The following CDH12 variants were observed in gnomAD, a reference collection of about 807,000 sequenced individuals.
CDH12 encodes the protein cadherin-12.
CDH12 carries 41 observed loss-of-function variants against 74.1 expected under a neutral mutation model. The ratio of observed to expected loss-of-function variants is 0.55; its 90% confidence interval spans 0.43 to 0.72. CDH12 has a LOEUF of 0.72. Ranked by LOEUF, CDH12 falls within the 30% of genes least tolerant of loss-of-function variation. CDH12 has a pLI of 0.00. For missense variants in CDH12, 945 were observed against 977.2 expected (o/e 0.97, Z 0.44); for synonymous variants, 399 against 355.0 (o/e 1.12, Z -1.39).
At chr5:22,673,523 A>AT (rs1433358602) in intron 1 of CDH12, among the ~76,000 whole-genome samples, 4 of 152,230 alleles carry the variant, frequency 2.6e-5, no homozygotes, top group South Asian at 2.1e-4. Context: ...CTTAACACAG[A>AT]TTTTTTATTA....
intron 3 of CDH12, among the ~76,000 whole-genome samples, chr5:22,348,751 A>G (rs959185854): frequency 6.6e-6 from 1 of 152,216 alleles, no homozygotes; most frequent in Non-Finnish European, 1.5e-5. Flanking sequence ...TATTTCAAGT[A>G]TTTAAAAGAT....
At chr5:22,252,295 T>C (rs913916172) in intron 3 of CDH12, among the ~76,000 whole-genome samples, 6 of 152,030 alleles carry the variant, frequency 3.9e-5, no homozygotes, top group African/African-American at 1.4e-4. Context: ...GGGACACATA[T>C]AATAATGCAA....
At chr5:22,302,761 G>T (rs994790942) in intron 3 of CDH12, among the ~76,000 whole-genome samples, 1 of 152,006 alleles carries the variant, frequency 6.6e-6, no homozygotes, top group Non-Finnish European at 1.5e-5. Flanking sequence ...AGAGTAAAAT[G>T]AACTATTGTT....
intron 3 of CDH12, among the ~76,000 whole-genome samples, chr5:22,291,710 C>T (rs1162425621): frequency 1.3e-5 from 2 of 151,998 alleles, no homozygotes; most frequent in Non-Finnish European, 2.9e-5. Context: ...GACATAAATG[C>T]ATGAAATAAC....
chr5:21,825,749 G>T (rs1046428314), intron 8 of CDH12, among the ~76,000 whole-genome samples: 3 of 152,100 alleles, frequency 2.0e-5, no homozygotes, highest in African/African-American at 7.2e-5. Context: ...AACACTCTTG[G>T]CTATTCCCTG....
intron 1 of CDH12, among the ~76,000 whole-genome samples, chr5:22,735,143 CA>C (rs1465597496): frequency 6.6e-6 from 1 of 151,868 alleles, no homozygotes; most frequent in African/African-American, 2.4e-5. Flanking sequence ...CTTCATTTAT[CA>C]AAGATGTTAC....
At chr5:22,471,254 G>A (rs563054856) in intron 2 of CDH12, among the ~76,000 whole-genome samples, 5 of 152,042 alleles carry the variant, frequency 3.3e-5, no homozygotes, top group Admixed American at 6.6e-5. Flanking sequence ...ACAACCAATC[G>A]ACAAGCTCTC....
At chr5:22,053,543 G>A (rs1463919055) in intron 5 of CDH12, among the ~76,000 whole-genome samples, 1 of 151,884 alleles carries the variant, frequency 6.6e-6, no homozygotes, top group Non-Finnish European at 1.5e-5. Context: ...TTCTATCCAG[G>A]GAGACTCAAT....
At chr5:22,816,875 T>G (rs1749420595) in intron 1 of CDH12, among the ~76,000 whole-genome samples, 1 of 152,162 alleles carries the variant, frequency 6.6e-6, no homozygotes, top group African/African-American at 2.4e-5. Flanking sequence ...TATCTTTATG[T>G]ATTTGCCACA....
intron 1 of CDH12, among the ~76,000 whole-genome samples, chr5:22,839,851 C>A (rs1290793121): frequency 6.6e-6 from 1 of 152,038 alleles, no homozygotes; most frequent in African/African-American, 2.4e-5. Context: ...GCTAAATATT[C>A]GATGCAAAAA....
intron 1 of CDH12, among the ~76,000 whole-genome samples, chr5:22,622,330 T>A (rs1738018564): frequency 6.6e-6 from 1 of 151,740 alleles, no homozygotes; most frequent in African/African-American, 2.4e-5. Flanking sequence ...TGGCATGTCT[T>A]CAGAGAGAAG....
intron 3 of CDH12, among the ~76,000 whole-genome samples, chr5:22,298,093 T>C (rs1737706638): frequency 6.6e-6 from 1 of 150,986 alleles, no homozygotes; most frequent in Admixed American, 6.6e-5. Context: ...CATTTTGTGC[T>C]GATGCCTAAT....
chr5:22,088,413 C>A (rs1267999135), intron 4 of CDH12, among the ~76,000 whole-genome samples: 1 of 152,088 alleles, frequency 6.6e-6, no homozygotes, highest in African/African-American at 2.4e-5. Flanking sequence ...GACCTCCTCT[C>A]CTTGCCTTAG....
intron 7 of CDH12, among the ~76,000 whole-genome samples, chr5:21,844,481 C>T (rs1476784312): frequency 6.6e-6 from 1 of 152,128 alleles, no homozygotes; most frequent in Non-Finnish European, 1.5e-5. Context: ...CATATACAAT[C>T]CTTTCCTCTG....
rs117373997 is a variant in CDH12 at position 22,242,310 on chromosome 5, T to C, written c.-332-29667A>G. On this transcript the variant is annotated intron_variant, in intron 3 of 14. Coordinates refer to ENST00000382254, the MANE Select transcript of CDH12 (RefSeq NM_004061.5). The stretch of plus-strand genomic sequence containing the variant: ...GCCTAATTATACCTGGATTCTCAGA[T>C]ACAGATATGAATGCGTTTGTTAATT... 1.7e-3 allele frequency among the ~76,000 whole-genome samples: 265 copies of C among 152,332 alleles called. 3 individuals carry two copies. The East Asian group carries it at 0.034, about 20-fold the overall frequency.
At chr5:22,181,431 T>C (rs1356340458) in intron 4 of CDH12, among the ~76,000 whole-genome samples, 1 of 152,156 alleles carries the variant, frequency 6.6e-6, no homozygotes, top group African/African-American at 2.4e-5. Context: ...CATAAAATAC[T>C]GAAATTCTGA....
At chr5:22,446,265 AAG>A (rs1263009595) in intron 2 of CDH12, among the ~76,000 whole-genome samples, 1 of 152,054 alleles carries the variant, frequency 6.6e-6, no homozygotes, top group African/African-American at 2.4e-5. Flanking sequence ...AGCACTTTCA[AAG>A]AGGTTTCCTC....
chr5:22,519,116 T>C (rs1339696418), intron 1 of CDH12, among the ~76,000 whole-genome samples: 1 of 152,112 alleles, frequency 6.6e-6, no homozygotes, highest in African/African-American at 2.4e-5. Context: ...CAGACCAGAT[T>C]GGGGTGCCCT....
chr5:22,683,275 T>A (rs1426417106), intron 1 of CDH12, among the ~76,000 whole-genome samples: 2 of 152,174 alleles, frequency 1.3e-5, no homozygotes, highest in Admixed American at 1.3e-4. Flanking sequence ...TCCCACATAA[T>A]GGATCTTGCC....
Sources: gnomAD v4.1 joint callset for allele counts (sites outside exome capture counted in the v4.1 genomes callset) on GRCh38, gnomAD v4.1.1 for gene constraint, MANE v1.5 for transcripts, NCBI Gene and HGNC (gene_info 2026-07-23, HGNC 2026-07-21) for gene names.